KSR2: variants seen among roughly 807,000 people sequenced by gnomAD.
KSR2 encodes kinase suppressor of ras 2.
In KSR2, 25 loss-of-function variants were observed where a neutral mutation model predicts 107.8. The observed-to-expected ratio is 0.23, with a 90% confidence interval of 0.17 to 0.32. The LOEUF (loss-of-function observed/expected upper bound fraction) is 0.32. Ranked by LOEUF, KSR2 falls within the 10% of genes least tolerant of loss-of-function variation. The pLI, the probability that KSR2 is intolerant of heterozygous loss-of-function variation, is 1.00. For synonymous variants in KSR2, 480 were observed against 507.0 expected (o/e 0.95, Z 0.71); for missense variants, 887 against 1,268.9 (o/e 0.70, Z 4.57).
chr12:117,921,939 G>T (rs1679496482), intron 1 of KSR2, among the ~76,000 whole-genome samples: 1 of 152,178 alleles, frequency 6.6e-6, no homozygotes, highest in South Asian at 2.1e-4. Context: ...AATCCCTGAA[G>T]AGTTTAGCAA....
chr12:117,928,171 T>C (rs1895591802), intron 1 of KSR2, among the ~76,000 whole-genome samples: 2 of 122,330 alleles, frequency 1.6e-5, no homozygotes, highest in Admixed American at 2.1e-4. Flanking sequence ...CAGCACTTCA[T>C]TCCTTCTTTC....
chr12:117,519,509 G>A (rs1419270219), intron 14 of KSR2, among the ~76,000 whole-genome samples: 3 of 152,030 alleles, frequency 2.0e-5, no homozygotes, highest in Non-Finnish European at 2.9e-5. Flanking sequence ...CACATGATAC[G>A]AAGCACAGAT....
chr12:117,700,188 T>C (rs774943823), intron 4 of KSR2, among the ~76,000 whole-genome samples: 5 of 152,194 alleles, frequency 3.3e-5, no homozygotes, highest in Non-Finnish European at 7.4e-5. Flanking sequence ...ATATGCAGTC[T>C]GTCACTGACC....
At chr12:117,728,016 T>C (rs1423735737) in intron 4 of KSR2, among the ~76,000 whole-genome samples, 1 of 152,174 alleles carries the variant, frequency 6.6e-6, no homozygotes, top group Non-Finnish European at 1.5e-5. Context: ...AGATCTAAGC[T>C]ATGTGCTAAA....
chr12:117,716,967 T>C (rs1466746727), intron 4 of KSR2, among the ~76,000 whole-genome samples: 2 of 152,232 alleles, frequency 1.3e-5, no homozygotes, highest in African/African-American at 2.4e-5. Context: ...TCCTCCAGCT[T>C]TCCCAACTTC....
At chr12:117,485,965 C>T (rs1430323045) in intron 14 of KSR2, among the ~76,000 whole-genome samples, 1 of 152,186 alleles carries the variant, frequency 6.6e-6, no homozygotes, top group Non-Finnish European at 1.5e-5. Context: ...TTTGCCATGT[C>T]CAATCCATCC....
At chr12:117,502,502 G>A (rs1873439348) in intron 14 of KSR2, among the ~76,000 whole-genome samples, 1 of 152,124 alleles carries the variant, frequency 6.6e-6, no homozygotes, top group Non-Finnish European at 1.5e-5. Context: ...AAAGTTGGGA[G>A]GAGGGTAGTG....
intron 4 of KSR2, among the ~76,000 whole-genome samples, chr12:117,672,913 G>A (rs753760655): frequency 2.0e-4 from 30 of 152,340 alleles, no homozygotes; most frequent in Admixed American, 4.6e-4. Context: ...ACAGGCGTGG[G>A]CCACTGCGCC....
chr12:117,814,188 T>C (rs1891293272), intron 3 of KSR2, among the ~76,000 whole-genome samples: 1 of 152,194 alleles, frequency 6.6e-6, no homozygotes, highest in African/African-American at 2.4e-5. Context: ...TAAGTTCTAA[T>C]GTTCTATACC....
chr12:117,700,234 T>C (rs1331158301), intron 4 of KSR2, among the ~76,000 whole-genome samples: 1 of 152,144 alleles, frequency 6.6e-6, no homozygotes, highest in African/African-American at 2.4e-5. Flanking sequence ...TGTATTGTTA[T>C]CCTCATTTTA....
At chr12:117,876,120 G>A (rs1285107150) in intron 1 of KSR2, among the ~76,000 whole-genome samples, 1 of 152,164 alleles carries the variant, frequency 6.6e-6, no homozygotes, top group African/African-American at 2.4e-5. Flanking sequence ...AGCAGACCCC[G>A]TGCGGGTAAT....
At chr12:117,508,064 G>A (rs1565877023) in intron 14 of KSR2, among the ~76,000 whole-genome samples, 2 of 152,176 alleles carry the variant, frequency 1.3e-5, no homozygotes, top group Non-Finnish European at 2.9e-5. Context: ...CAAAGGGAAG[G>A]AAACCTGCAG....
chr12:117,891,814 C>T (rs1323767098), intron 1 of KSR2, among the ~76,000 whole-genome samples: 1 of 151,770 alleles, frequency 6.6e-6, no homozygotes, highest in African/African-American at 2.4e-5. Context: ...CAGGGAGACC[C>T]TGTCTCTACA....
At chr12:117,709,930 A>C (rs1886689841) in intron 4 of KSR2, among the ~76,000 whole-genome samples, 1 of 152,152 alleles carries the variant, frequency 6.6e-6, no homozygotes, top group Admixed American at 6.5e-5. Context: ...GGACTATGGG[A>C]GAGGAGATAC....
At chr12:117,530,830 C>T (rs1875569980) in intron 12 of KSR2, 111 bp downstream of exon 12, 2 of 934,774 alleles carry the variant, frequency 2.1e-6, no homozygotes, top group Non-Finnish European at 3.4e-6. Flanking sequence ...CCTCTGCCCC[C>T]AACTCCATCA....
At chr12:117,739,568 T>A (rs1046365749) in intron 4 of KSR2, among the ~76,000 whole-genome samples, 6 of 152,174 alleles carry the variant, frequency 3.9e-5, no homozygotes, top group South Asian at 4.2e-4. Context: ...AATGATGTTA[T>A]TAACAGCATC....
At chr12:117,547,909 A>T (rs1302821403) in intron 9 of KSR2, among the ~76,000 whole-genome samples, 2 of 150,940 alleles carry the variant, frequency 1.3e-5, no homozygotes, top group African/African-American at 5.0e-5. Flanking sequence ...AGCCTGGCCA[A>T]CTAGTGAAAC....
At chr12:117,879,854 T>C (rs936941064) in intron 1 of KSR2, among the ~76,000 whole-genome samples, 1 of 152,232 alleles carries the variant, frequency 6.6e-6, no homozygotes, top group Non-Finnish European at 1.5e-5. Context: ...CTGGATTTTG[T>C]TAGATTTATA....
chr12:117,710,782 A>G (rs1273416837), intron 4 of KSR2, among the ~76,000 whole-genome samples: 2 of 152,120 alleles, frequency 1.3e-5, no homozygotes, highest in African/African-American at 4.8e-5. Flanking sequence ...TATTTTTTTA[A>G]TGCATGCTCT....
Sources: allele counts gnomAD v4.1 joint callset (sites outside exome capture counted in the v4.1 genomes callset), GRCh38; gene constraint gnomAD v4.1.1; transcripts MANE v1.5; gene names NCBI Gene and HGNC (gene_info 2026-07-23, HGNC 2026-07-21).